Variants in SPOCK2 observed in about 807,000 individuals in gnomAD.
SPOCK2 encodes SPARC (osteonectin), cwcv and kazal like domains proteoglycan 2.
Under a neutral mutation model 60.1 loss-of-function variants are expected in SPOCK2, and 39 were observed. That is an observed-to-expected ratio of 0.65 (90% CI 0.50 to 0.85). The LOEUF (loss-of-function observed/expected upper bound fraction) is 0.85. Among genes scored for constraint, SPOCK2 ranks in the 40% least tolerant of loss-of-function variants. The pLI is 0.00. For missense variants in SPOCK2, 523 were observed against 567.4 expected, an observed-to-expected ratio of 0.92 and a Z score of 0.80; for synonymous variants, 217 against 231.5, an observed-to-expected ratio of 0.94 and a Z score of 0.57.
At chr10:72,077,646 C>A (rs1300169338) in intron 1 of SPOCK2, among the ~76,000 whole-genome samples, 1 of 152,222 alleles carries the variant, frequency 6.6e-6, no homozygotes, top group African/African-American at 2.4e-5. Flanking sequence ...AACACGGGGC[C>A]TCTGGGATGA....
chr10:72,086,191 C>T, intron 1 of SPOCK2: 2 of 985,862 alleles, frequency 2.0e-6, no homozygotes, highest in Non-Finnish European at 2.4e-6. Context: ...CTAAAGCTTT[C>T]CCATGAATCT....
At chr10:72,084,210 T>C (rs1840824954) in intron 1 of SPOCK2, among the ~76,000 whole-genome samples, 1 of 152,170 alleles carries the variant, frequency 6.6e-6, no homozygotes, top group South Asian at 2.1e-4. Flanking sequence ...TGAGGACCCA[T>C]CTGGTGGTTT....
Position 72,087,098 on chromosome 10 carries a change from T to C in SPOCK2, c.189+1042A>G. On this transcript the variant is annotated intron_variant, in intron 1 of 10. Transcript: ENST00000373109. The surrounding 1 kb of genome is among the most constrained non-coding windows in gnomAD (Gnocchi z 4.7). ...AGCAGCCGGCGTCGCCTCTGGCGCA[T>C]CCGGGCCCATCCCCCACAGCACCCC... 1 of 1,241,072 alleles carries C rather than the reference T, an allele frequency of 8.1e-7. No individual in the cohort carries two copies. 76.9% of individuals were successfully genotyped at this position (1,241,072 alleles called of 1,614,324 possible).
Position 72,070,382 on chromosome 10 carries a change from A to T in SPOCK2, c.404T>A (p.Ile135Asn), listed in dbSNP as rs1377035054. ...CTGGGCCATGTGGCAGGGCTTGCAG[A>T]TGGAGTCTTTGTTTCCATGGAGTTT... ...TVKLHGNKDS[I>N]CKPCHMAQLA... The change falls in exon 5 of 11, where the codon ATC becomes AAC. Residue 135 changes from isoleucine to asparagine, a missense_variant. Ile to Asn is a moderately radical substitution (Grantham distance 149). Coordinates refer to ENST00000373109, the MANE Select transcript of SPOCK2 (RefSeq NM_001244950.2). 5 of 1,614,074 alleles carry T rather than the reference A, an allele frequency of 3.1e-6. No homozygotes were observed. The African/African-American group carries it at 5.3e-5, about 17-fold the overall frequency.
chr10:72,084,761 A>G (rs1481017079), intron 1 of SPOCK2, among the ~76,000 whole-genome samples: 2 of 152,184 alleles, frequency 1.3e-5, no homozygotes, highest in Non-Finnish European at 2.9e-5. Flanking sequence ...AGTTTCTACA[A>G]CCATAAAATG....
At chr10:72,077,542 T>TA (rs11372978) in intron 1 of SPOCK2, among the ~76,000 whole-genome samples, 16,718 of 152,180 alleles carry the variant, frequency 0.11, 971 homozygotes, top group Admixed American at 0.16. Context: ...GCAGGCAGCT[T>TA]AGAGACCACT....
At chr10:72,067,872 G>A (rs1840592603) in intron 6 of SPOCK2, 140 bp from the exon 7 acceptor site, 2 of 1,351,550 alleles carry the variant, frequency 1.5e-6, no homozygotes, top group Admixed American at 2.3e-5. Flanking sequence ...TGGAAATCGG[G>A]GGCTTCCTCT....
chr10:72,088,545 G>A lies in SPOCK2; in HGVS notation c.-217C>T. 1.9e-6 allele frequency: 1 copy of A among 515,906 alleles called. No homozygotes were observed. Among genetic ancestry groups the A allele is most frequent in the Non-Finnish European group, 3.4e-6 (1 of 296,446 alleles). 32.0% of individuals were successfully genotyped at this position (515,906 alleles called of 1,614,324 possible). A position where few individuals can be genotyped will look rare whatever the true frequency, so the allele number is the denominator to read the frequency against. The stretch of plus-strand genomic sequence containing the variant: ...CCAGCACTGGACGCGGAGAGGGAGA[G>A]AGAATCAGAGAGGCTGCGCCAGCAG... On this transcript the variant is annotated 5_prime_UTR_variant, in exon 1 of 11. Transcript: ENST00000373109.
chr10:72,086,547 G>A (rs1189288631), intron 1 of SPOCK2: 2 of 1,137,002 alleles, frequency 1.8e-6, no homozygotes, highest in Non-Finnish European at 1.1e-6. Flanking sequence ...GCCTGCTGCC[G>A]CCCCCTCGCT....
chr10:72,077,161 C>T (rs1840724796), intron 1 of SPOCK2, among the ~76,000 whole-genome samples: 2 of 152,164 alleles, frequency 1.3e-5, no homozygotes, highest in South Asian at 4.1e-4. Flanking sequence ...TGCTCTGTCA[C>T]CCAGGCAGGA....
intron 8 of SPOCK2, among the ~76,000 whole-genome samples, chr10:72,065,960 G>T (rs542384412): frequency 2.6e-5 from 4 of 152,098 alleles, no homozygotes; most frequent in African/African-American, 9.7e-5. Flanking sequence ...CGTATGGTGG[G>T]GCCCGGGCTG....
Position 72,064,197 on chromosome 10 carries a change from C to T in SPOCK2, c.972G>A (p.Glu324=), listed in dbSNP as rs1251087049. ...LAELERIQIQ[E]AAKKKPGIFI... is the part of the protein sequence containing the mutation. ...CCTCACCTGGCTTCTTCTTGGCGGCCTCCTGGATCTGGATGCGCTCCAGCT... is the reference window on the plus strand; with the variant it reads ...CCTCACCTGGCTTCTTCTTGGCGGCTTCCTGGATCTGGATGCGCTCCAGCT... The change falls in exon 9 of 11, where the codon GAG becomes GAA. Residue 324 remains glutamate (E), a synonymous_variant. Transcript: ENST00000373109. 9 of 1,611,820 alleles carry T rather than the reference C, an allele frequency of 5.6e-6. No homozygotes were observed. The highest frequency in any genetic ancestry group is 7.6e-6 in the Non-Finnish European group (9 of 1,179,300).
At chr10:72,083,322 G>A (rs1840814363) in intron 1 of SPOCK2, among the ~76,000 whole-genome samples, 1 of 152,236 alleles carries the variant, frequency 6.6e-6, no homozygotes, top group African/African-American at 2.4e-5. Context: ...GCTCTTCCTG[G>A]AGTGACAGCA....
At chr10:72,074,950 G>A (rs754009690) in intron 1 of SPOCK2, among the ~76,000 whole-genome samples, 3 of 152,126 alleles carry the variant, frequency 2.0e-5, no homozygotes, top group Non-Finnish European at 4.4e-5. Flanking sequence ...GCAGACAGAG[G>A]AAGGCTGCAG....
chr10:72,086,741 C>G (rs1840861339), intron 1 of SPOCK2: 2 of 1,415,842 alleles, frequency 1.4e-6, no homozygotes, highest in Non-Finnish European at 1.9e-6. Flanking sequence ...GGAGACCTGG[C>G]TGCCCGTGGT....
chr10:72,081,779 G>A (rs562504842), intron 1 of SPOCK2, among the ~76,000 whole-genome samples: 23 of 152,290 alleles, frequency 1.5e-4, no homozygotes, highest in Non-Finnish European at 2.5e-4. Context: ...TTGGGGTTCC[G>A]GAAGAGGAAG....
chr10:72,067,697 C>T lies in SPOCK2; in HGVS notation c.625G>A (p.Asp209Asn), dbSNP rs763352055. 2 of 1,613,878 alleles carry T rather than the reference C, an allele frequency of 1.2e-6. No individual in the cohort carries two copies. The highest frequency in any genetic ancestry group is 4.5e-5 in the East Asian group (2 of 44,876). The stretch of plus-strand genomic sequence containing the variant: ...AGCTGGAACCAGTCCCGCAGCCGAT[C>T]TCCCAGGTCAGCCAGGTCCTGACCG... ...CTGQDLADLG[D>N]RLRDWFQLLH... Residue 209 changes from aspartate (D) to asparagine (N), a missense_variant, in exon 7 of 11, where the codon GAT becomes AAT. By Grantham distance (23) the Asp-to-Asn change is conservative. Coordinates refer to ENST00000373109, the MANE Select transcript of SPOCK2 (RefSeq NM_001244950.2).
At position 72,062,531 on chromosome 10, in the gene SPOCK2, CG is replaced by C; in HGVS notation, c.*228del. 1.3e-6 allele frequency: 1 copy of C among 745,586 alleles called. No homozygotes were observed. 46.2% of individuals were successfully genotyped at this position (745,586 alleles called of 1,614,324 possible). A position where few individuals can be genotyped will look rare whatever the true frequency, so the allele number is the denominator to read the frequency against. ...TGTGGATCAAGGACACATTTGTCAG[CG>C]CATGCCACACACACACACACATACA... is the stretch of plus-strand genomic sequence containing the variant. On this transcript the variant is annotated 3_prime_UTR_variant, in exon 11 of 11. Transcript: ENST00000373109. The surrounding 1 kb of genome is among the most constrained non-coding windows in gnomAD (Gnocchi z 4.3).
rs1324784560 is a variant in SPOCK2 at position 72,088,366 on chromosome 10, G to A, written c.-38C>T. The stretch of plus-strand genomic sequence containing the variant: ...TCGACCTGGGGGGGTCTTGACTTCT[G>A]CAGTATTTTAATGTCCTTCCTCCCA... On this transcript the variant is annotated 5_prime_UTR_variant, in exon 1 of 11. Transcript: ENST00000373109. 6.6e-7 allele frequency: 1 copy of A among 1,504,214 alleles called. No homozygotes were observed. Among genetic ancestry groups the A allele is most frequent in the African/African-American group, 1.4e-5 (1 of 71,534 alleles). The allele number at this position is 1,504,214 out of a possible 1,614,324, so 93.2% of individuals were successfully genotyped here. A position where few individuals can be genotyped will look rare whatever the true frequency, so the allele number is the denominator to read the frequency against.
Sources: gnomAD v4.1 joint callset for allele counts (sites outside exome capture counted in the v4.1 genomes callset) on GRCh38, gnomAD v4.1.1 for gene constraint, Gnocchi (gnomAD v3.1) non-coding constraint, MANE v1.5 for transcripts, NCBI Gene and HGNC (gene_info 2026-07-23, HGNC 2026-07-21) for gene names.